COL18A1: variants seen among roughly 807,000 people sequenced by gnomAD.
The protein encoded by COL18A1 is collagen type XVIII alpha 1 chain.
COL18A1 carries 133 observed loss-of-function variants against 168.0 expected under a neutral mutation model. The ratio of observed to expected loss-of-function variants is 0.79; its 90% CI spans 0.69 to 0.91. The LOEUF is 0.91. Ranked by LOEUF, COL18A1 falls within the 40% of genes least tolerant of loss-of-function variation. The pLI is 0.00. For missense variants in COL18A1, 2,126 were observed against 1,925.4 expected (o/e 1.10, Z -1.95); for synonymous variants, 949 against 809.0 (o/e 1.17, Z -2.94).
chr21:45,408,396 C>CA (rs1269486974), intron 2 of COL18A1: 3 of 152,316 alleles, frequency 2.0e-5, no homozygotes, highest in African/African-American at 7.2e-5. Context: ...GTGTGATTCT[C>CA]ACAGTCATGC....
intron 13 of COL18A1, 52 bp from the exon 14 acceptor site, chr21:45,481,911 C>G (rs903088280): frequency 8.4e-6 from 11 of 1,306,144 alleles, no homozygotes; most frequent in African/African-American, 1.4e-5. Context: ...ACCCAGAAAT[C>G]GTTTTAGTGG....
At chr21:45,483,501 A>G (rs1194602085) in intron 15 of COL18A1, among the ~76,000 whole-genome samples, 1 of 151,774 alleles carries the variant, frequency 6.6e-6, no homozygotes, top group African/African-American at 2.4e-5. Context: ...TGTTCTGCGG[A>G]AATTGAGCTG....
Position 45,489,471 on chromosome 21 carries a change from C to G in COL18A1, c.1924-15C>G, listed in dbSNP as rs2145974467. 1.3e-6 allele frequency: 2 copies of G among 1,593,476 alleles called. No individual in the cohort carries two copies. The highest frequency in any genetic ancestry group is 1.3e-5 in the African/African-American group (1 of 74,738). ...GGCCCCAGCAGGTGCTCACGGAGCC[C>G]CTTTTTTCACTTAGGGGGATCCTGG... On this transcript the variant is annotated splice_polypyrimidine_tract_variant and intron_variant, in intron 18 of 41. Coordinates refer to ENST00000651438, the MANE Select transcript of COL18A1 (RefSeq NM_001379500.1).
chr21:45,492,397 C>A, intron 22 of COL18A1, 138 bp from the exon 23 acceptor site: 1 of 1,052,172 alleles, frequency 9.5e-7, no homozygotes, highest in Non-Finnish European at 1.5e-6. Flanking sequence ...AGGGATGCCC[C>A]AGGCCCAGGA....
Position 45,475,536 on chromosome 21 carries a change from G to T in COL18A1, c.798+1G>T, listed in dbSNP as rs753984170. 2.5e-6 allele frequency: 4 copies of T among 1,604,800 alleles called. No homozygotes were observed. In the South Asian group the frequency reaches 4.5e-5, roughly 18 times the overall value. On this transcript the variant is annotated splice_donor_variant, in intron 5 of 41. Transcript: ENST00000651438. LOFTEE classifies it high-confidence loss of function. ...CCGGGAGCTTCTCAGGGAGGAGACG[G>T]TGAGTAGCCGGACGGGGCCCAGCCC...
chr21:45,495,466 G>A (rs1257832244), intron 29 of COL18A1, 34 bp downstream of exon 29: 7 of 1,561,316 alleles, frequency 4.5e-6, no homozygotes, highest in Non-Finnish European at 5.2e-6. Context: ...CTGGGTGGCT[G>A]GGAGACCAGG....
At chr21:45,492,334 C>T (rs527612382) in intron 22 of COL18A1, among the ~76,000 whole-genome samples, 21 of 152,284 alleles carry the variant, frequency 1.4e-4, no homozygotes, top group Admixed American at 5.2e-4. Flanking sequence ...GCCCTTAGGG[C>T]GTCTGGAGTC....
chr21:45,450,073 T>TGG (rs1056603016), intron 2 of COL18A1, among the ~76,000 whole-genome samples: 41 of 152,178 alleles, frequency 2.7e-4, no homozygotes, highest in Admixed American at 2.6e-3. Flanking sequence ...TGTGCCTGCC[T>TGG]GGGGGCGTGC....
rs1602539471 is a variant in COL18A1, at chr21:45,491,233, A to G, written c.2076A>G (p.Pro692=). The change falls in exon 22 of 42, where the codon CCA becomes CCG. Residue 692 remains proline (P), a synonymous_variant. Transcript: ENST00000651438. ...GTGGCCTCCTCTTCCAGGGAGATCC[A>G]GGGAAGGACGGAGTCGGGCAGCCGG... is the stretch of plus-strand genomic sequence containing the variant. ...DRGSRGEKGD[P]GKDGVGQPGL... The G allele has an allele frequency of 1.2e-6, 2 of 1,611,586 alleles. No individual in the cohort carries two copies. Among genetic ancestry groups the G allele is most frequent in the Admixed American group, 1.7e-5 (1 of 60,026 alleles).
chr21:45,467,481 G>A (rs538159726), intron 2 of COL18A1: 1 of 965,438 alleles, frequency 1.0e-6, no homozygotes, highest in African/African-American at 1.8e-5. Context: ...AATCAGCATG[G>A]GGGGGATGGG....
Position 45,503,963 on chromosome 21 carries a change from G to A in COL18A1, c.2684-48G>A, listed in dbSNP as rs370370535. On this transcript the variant is annotated intron_variant, in intron 32 of 41. Coordinates refer to ENST00000651438, the MANE Select transcript of COL18A1 (RefSeq NM_001379500.1). The stretch of plus-strand genomic sequence containing the variant: ...CTGGGGGCTGCAGAGGGAACCCGGC[G>A]CTGTCAGACACCACCTCAGCGAGAC... 4.8e-5 allele frequency: 77 copies of A among 1,610,986 alleles called. No homozygotes were observed. In the African/African-American group the frequency reaches 6.8e-4, roughly 14 times the overall value.
In COL18A1 at chr21:45,504,997, G is replaced by A; in HGVS notation, c.2869-137G>A. 4 of 1,095,994 alleles carry A rather than the reference G, an allele frequency of 3.6e-6. No homozygotes were observed. The East Asian group carries it at 7.7e-5, about 21-fold the overall frequency. The allele number at this position is 1,095,994 out of a possible 1,614,324, so 67.9% of individuals were successfully genotyped here. A position where few individuals can be genotyped will look rare whatever the true frequency, so the allele number is the denominator to read the frequency against. ...TGGTGTGGGGGTTTCTCAGGCTATGGCGTGGGCAGGGAGGGGACCGGTGAC... is the reference window on the plus strand; with the variant it reads ...TGGTGTGGGGGTTTCTCAGGCTATGACGTGGGCAGGGAGGGGACCGGTGAC... On this transcript the variant is annotated intron_variant, in intron 34 of 41. Transcript: ENST00000651438.
chr21:45,479,143 T>A (rs2035789173), intron 9 of COL18A1, among the ~76,000 whole-genome samples: 1 of 142,222 alleles, frequency 7.0e-6, no homozygotes, highest in African/African-American at 2.5e-5. Flanking sequence ...TGTATGTATG[T>A]GCATGTGTTT....
rs2035867342 is a variant in COL18A1, at chr21:45,480,865, C to T, written c.1611+7C>T. On this transcript the variant is annotated splice_region_variant and intron_variant, in intron 13 of 41. Coordinates refer to ENST00000651438, the MANE Select transcript of COL18A1 (RefSeq NM_001379500.1). ...CGGGTTTCCTGGCCTCCCGGTAAGTCCTGCCTCCACCGTCAGTGTCGGGAG... is the reference window on the plus strand; with the variant it reads ...CGGGTTTCCTGGCCTCCCGGTAAGTTCTGCCTCCACCGTCAGTGTCGGGAG... The T allele has an allele frequency of 1.9e-6, 3 of 1,609,090 alleles. No individual in the cohort carries two copies. The highest frequency in any genetic ancestry group is 2.5e-6 in the Non-Finnish European group (3 of 1,178,886).
chr21:45,508,710 C>G (rs1343171461), intron 38 of COL18A1, among the ~76,000 whole-genome samples: 3 of 152,144 alleles, frequency 2.0e-5, no homozygotes, highest in East Asian at 3.8e-4. Context: ...TCTGCTCTCA[C>G]TCATTTGCTG....
chr21:45,474,665 TCTCA>T (rs1248129411), intron 4 of COL18A1, among the ~76,000 whole-genome samples: 1 of 25,582 alleles, frequency 3.9e-5, no homozygotes, highest in Non-Finnish European at 7.2e-5. Context: ...AGCAGGGAAT[TCTCA>T]CTCAGGGGCC....
chr21:45,432,800 C>T (rs1203486384), intron 2 of COL18A1, among the ~76,000 whole-genome samples: 1 of 152,202 alleles, frequency 6.6e-6, no homozygotes, highest in Non-Finnish European at 1.5e-5. Flanking sequence ...GGCTGTCCTA[C>T]AGCAAAAGCC....
chr21:45,460,311 G>A (rs1203640468), intron 2 of COL18A1, among the ~76,000 whole-genome samples: 3 of 152,218 alleles, frequency 2.0e-5, no homozygotes, highest in South Asian at 2.1e-4. Flanking sequence ...AGAGTGGGGC[G>A]CAACTGGGCA....
At chr21:45,497,013 A>G in intron 30 of COL18A1, 37 bp from the exon 31 acceptor site, 2 of 1,540,400 alleles carry the variant, frequency 1.3e-6, no homozygotes, top group East Asian at 2.2e-5. Context: ...ATTTCAGAAC[A>G]TCGCCCTCAG....
Sources: allele counts gnomAD v4.1 joint callset (sites outside exome capture counted in the v4.1 genomes callset), GRCh38; gene constraint gnomAD v4.1.1; transcripts MANE v1.5; gene names NCBI Gene and HGNC (gene_info 2026-07-23, HGNC 2026-07-21).